KCTD2: variants seen among roughly 807,000 people sequenced by gnomAD.
The protein encoded by KCTD2 is BTB/POZ domain-containing protein KCTD2.
A neutral mutation model predicts 27.9 loss-of-function variants in KCTD2; 18 were observed. The ratio of observed to expected loss-of-function variants is 0.64; its 90% CI spans 0.45 to 0.96. KCTD2 has a LOEUF of 0.96. Ranked by LOEUF, KCTD2 falls within the 40% of genes least tolerant of loss-of-function variation. KCTD2 has a pLI of 0.00. For synonymous variants in KCTD2, 175 were observed against 148.4 expected (o/e 1.18, Z -1.30); for missense variants, 280 against 348.0 (o/e 0.80, Z 1.56).
intron 2 of KCTD2, among the ~76,000 whole-genome samples, chr17:75,051,096 C>G (rs2073279764): frequency 6.6e-6 from 1 of 151,366 alleles, no homozygotes; most frequent in Non-Finnish European, 1.5e-5. Context: ...GCCTCAGCCT[C>G]CCGAGTAGCT....
chr17:75,057,571 TTTC>T (rs1416448258), intron 3 of KCTD2, among the ~76,000 whole-genome samples: 12 of 146,552 alleles, frequency 8.2e-5, no homozygotes, highest in East Asian at 6.2e-4. Context: ...TTTTTTTTTT[TTTC>T]CTCGAGGCAG....
At chr17:75,045,539 A>G (rs1411253988), upstream of KCTD2, among the ~76,000 whole-genome samples, 1 of 152,226 alleles carries the variant, frequency 6.6e-6, no homozygotes, top group Non-Finnish European at 1.5e-5. Context: ...CTAGGTGCGC[A>G]TTCTCTTTCT....
chr17:75,060,505 C>T (rs35041866), intron 4 of KCTD2: 36,713 of 1,612,170 alleles, frequency 0.023, 462 homozygotes, highest in Non-Finnish European at 0.027. Context: ...CAGACAACAG[C>T]GCGACAGCCA....
chr17:75,039,625 T>C (rs1014102544), intron 3 of KCTD2: 10 of 301,910 alleles, frequency 3.3e-5, no homozygotes, highest in Non-Finnish European at 5.5e-5. Flanking sequence ...CTGAGTTCCA[T>C]AGTTGGCCTT....
intron 3 of KCTD2, 88 bp from the exon 4 acceptor site, chr17:75,059,422 G>C: frequency 1.3e-6 from 1 of 746,142 alleles, no homozygotes; most frequent in Non-Finnish European, 2.1e-6. Flanking sequence ...CTCCTTTTCA[G>C]TGTTTATTCA....
chr17:75,035,188 A>G (rs371049238), intron 2 of KCTD2: 2 of 152,022 alleles, frequency 1.3e-5, no homozygotes, highest in Non-Finnish European at 2.9e-5. Flanking sequence ...CGTGGTCGGA[A>G]CGTTTTAATC....
chr17:75,052,137 C>G (rs971714695), intron 2 of KCTD2, among the ~76,000 whole-genome samples: 2 of 152,028 alleles, frequency 1.3e-5, no homozygotes, highest in African/African-American at 4.8e-5. Context: ...AGCTAATGGG[C>G]AGGTGCCAGG....
chr17:75,043,370 G>A (rs781001037), upstream of KCTD2, among the ~76,000 whole-genome samples: 3 of 152,072 alleles, frequency 2.0e-5, no homozygotes, highest in Non-Finnish European at 4.4e-5. Flanking sequence ...CCAGCACTTT[G>A]GGAGGCTGAG....
rs369247930 is a variant in KCTD2 at position 75,059,566 on chromosome 17, G to A, written c.597G>A (p.Gln199=). 4.3e-6 allele frequency: 7 copies of A among 1,614,090 alleles called. No individual in the cohort carries two copies. Among genetic ancestry groups the A allele is most frequent in the Non-Finnish European group, 5.9e-6 (7 of 1,180,040 alleles). Residue 199 remains glutamine (Q), a synonymous_variant, in exon 4 of 6, where the codon CAG becomes CAA. Transcript: ENST00000322444. ...VLQCQEEELT[Q]MVSTMSDGWK... is the part of the protein sequence containing the mutation. Reference sequence around the variant, plus strand: ...AGTGTCAGGAAGAAGAGCTCACGCAGATGGTGTCCACGATGTCCGACGGCT... The same window carrying A: ...AGTGTCAGGAAGAAGAGCTCACGCAAATGGTGTCCACGATGTCCGACGGCT...
intron 3 of KCTD2, among the ~76,000 whole-genome samples, chr17:75,054,762 G>C (rs899990235): frequency 6.6e-6 from 1 of 150,620 alleles, no homozygotes; most frequent in East Asian, 2.0e-4. Context: ...AGCCAAGATC[G>C]CACCACTGCA....
In KCTD2 at chr17:75,049,809, T is replaced by G. The variant is rs1440998747; in HGVS notation, c.448+481T>G. Among the ~76,000 whole-genome samples, 15 of 152,342 alleles carry G rather than the reference T, an allele frequency of 9.8e-5. No homozygotes were observed. The South Asian group carries it at 2.3e-3, about 23-fold the overall frequency. On this transcript the variant is annotated intron_variant, in intron 2 of 5. Coordinates refer to ENST00000322444, the MANE Select transcript of KCTD2 (RefSeq NM_015353.3). ...AATGTTTGCAGCTGACCTAATTCAT[T>G]CTCTAGTTCATTGTCAGGTGTATCA...
chr17:75,057,691 C>T (rs2144937510), intron 3 of KCTD2, among the ~76,000 whole-genome samples: 1 of 151,744 alleles, frequency 6.6e-6, no homozygotes, highest in Admixed American at 6.6e-5. Flanking sequence ...TCCCGAGTAG[C>T]TGGGATTACA....
In KCTD2 at chr17:75,049,299, T is replaced by G; in HGVS notation, c.419T>G (p.Leu140Arg). ...CTCAACTACCTCCGCCACGGGAAAC[T>G]CATCATCACTAAGGAGTTGGCAGAA... ...PILNYLRHGK[L>R]IITKELAEEG... The change falls in exon 2 of 6, where the codon CTC becomes CGC. Residue 140 changes from leucine (L) to arginine (R), a missense_variant. By Grantham distance (102) the Leu-to-Arg change is moderately radical. Transcript: ENST00000322444. 1.9e-6 allele frequency: 3 copies of G among 1,612,826 alleles called. No individual in the cohort carries two copies. Among genetic ancestry groups the G allele is most frequent in the Non-Finnish European group, 2.5e-6 (3 of 1,178,790 alleles).
At chr17:75,039,813 C>A in intron 3 of KCTD2, 1 of 432,164 alleles carries the variant, frequency 2.3e-6, no homozygotes, top group East Asian at 4.0e-5. Context: ...AACCAGCAGT[C>A]CCCTCTCAAC....
At chr17:75,053,871 T>C (rs1278337106) in intron 3 of KCTD2, among the ~76,000 whole-genome samples, 1 of 139,264 alleles carries the variant, frequency 7.2e-6, no homozygotes, top group Non-Finnish European at 1.5e-5. Context: ...TTTTTTTTTT[T>C]TTTTTTTTTT....
At chr17:75,052,867 C>T (rs2073303632) in intron 2 of KCTD2, 147 bp from the exon 3 acceptor site, 3 of 639,822 alleles carry the variant, frequency 4.7e-6, no homozygotes, top group South Asian at 3.6e-5. Context: ...GAACTCCAGC[C>T]TGGGCGACAG....
intron 3 of KCTD2, among the ~76,000 whole-genome samples, chr17:75,055,354 A>G (rs114429054): frequency 0.019 from 2,831 of 151,660 alleles, 89 homozygotes; most frequent in African/African-American, 0.065. Flanking sequence ...CATGCCTGGC[A>G]TAAGTTTACT....
intron 3 of KCTD2, among the ~76,000 whole-genome samples, chr17:75,038,027 C>T (rs900311547): frequency 2.6e-5 from 4 of 151,962 alleles, no homozygotes; most frequent in Admixed American, 1.3e-4. Context: ...CCAGCCTGGG[C>T]GACAGAGTGA....
intron 5 of KCTD2, 88 bp from the exon 6 acceptor site, chr17:75,062,929 GC>G (rs2073419261): frequency 1.5e-6 from 2 of 1,361,018 alleles, no homozygotes; most frequent in African/African-American, 2.9e-5. Context: ...GGACCATCAT[GC>G]CACTCATCGG....
Sources: allele counts gnomAD v4.1 joint callset (sites outside exome capture counted in the v4.1 genomes callset), GRCh38; gene constraint gnomAD v4.1.1; transcripts MANE v1.5; gene names NCBI Gene and HGNC (gene_info 2026-07-23, HGNC 2026-07-21).